The following RHBDL3 variants were observed in gnomAD, a reference collection of about 807,000 sequenced individuals.
RHBDL3 encodes the protein rhomboid-related protein 3.
A neutral mutation model predicts 48.2 loss-of-function variants in RHBDL3; 28 were observed. That is an observed-to-expected ratio of 0.58 (90% CI 0.43 to 0.80). The LOEUF is 0.80. RHBDL3 is among the 30% of genes least tolerant of loss of function. The probability of loss-of-function intolerance (pLI) is 0.00; values close to 1 mark genes in which losing one functional copy is unlikely to be tolerated. For synonymous variants in RHBDL3, 208 were observed against 232.3 expected, an observed-to-expected ratio of 0.90 and a Z score of 0.95; for missense variants, 464 against 542.7, an observed-to-expected ratio of 0.85 and a Z score of 1.44.
At chr17:32,291,743 A>G (rs539913565) in intron 4 of RHBDL3, among the ~76,000 whole-genome samples, 1 of 149,570 alleles carries the variant, frequency 6.7e-6, no homozygotes, top group East Asian at 2.0e-4. Flanking sequence ...AATCACTCTT[A>G]TAGCCCAGAT....
chr17:32,309,151 T>C (rs2040779372), intron 7 of RHBDL3, among the ~76,000 whole-genome samples: 1 of 151,770 alleles, frequency 6.6e-6, no homozygotes, highest in Admixed American at 6.6e-5. Context: ...GATATACTAT[T>C]GTTTTCAGCT....
intron 3 of RHBDL3, among the ~76,000 whole-genome samples, chr17:32,287,398 G>T (rs374718256): frequency 1.3e-5 from 2 of 152,184 alleles, no homozygotes; most frequent in African/African-American, 4.8e-5. Flanking sequence ...CAGAGCTCCT[G>T]GGCCATTGAG....
chr17:32,280,744 G>A (rs2040022240), intron 2 of RHBDL3: 1 of 152,188 alleles, frequency 6.6e-6, no homozygotes, highest in South Asian at 2.1e-4. Flanking sequence ...CTACCCCTGA[G>A]TGAGGGGTGC....
intron 8 of RHBDL3, among the ~76,000 whole-genome samples, chr17:32,318,325 TAA>T (rs756087293): frequency 5.5e-5 from 8 of 144,580 alleles, no homozygotes; most frequent in Non-Finnish European, 7.5e-5. Context: ...GACCTTGCCT[TAA>T]AAAAAAAAAA....
chr17:32,294,547 G>C, intron 5 of RHBDL3, 105 bp downstream of exon 5: 1 of 1,162,044 alleles, frequency 8.6e-7, no homozygotes, highest in Non-Finnish European at 1.2e-6. Context: ...TTATCTATTT[G>C]GACATAGGAT....
chr17:32,281,874 G>A (rs1196456226), intron 2 of RHBDL3, among the ~76,000 whole-genome samples: 3 of 152,224 alleles, frequency 2.0e-5, no homozygotes, highest in African/African-American at 4.8e-5. Context: ...CATCAGAGCA[G>A]TCCCTGGAGC....
At chr17:32,295,802 A>G (rs772367409) in intron 5 of RHBDL3, among the ~76,000 whole-genome samples, 6 of 152,226 alleles carry the variant, frequency 3.9e-5, no homozygotes, top group Admixed American at 6.5e-5. Flanking sequence ...AGTTGGAAGC[A>G]CCTGATTGAT....
In RHBDL3 at chr17:32,311,488, C is replaced by T. The variant is rs1597686171; in HGVS notation, c.883-4744C>T. On this transcript the variant is annotated intron_variant, in intron 7 of 8. Transcript: ENST00000269051. Reference sequence around the variant, plus strand: ...GGCCCAGGCACATGGAATGTGACCTCTGAAGTGTGGGTGGACAGAGCCCTG... The same window carrying T: ...GGCCCAGGCACATGGAATGTGACCTTTGAAGTGTGGGTGGACAGAGCCCTG... 3.9e-5 allele frequency among the ~76,000 whole-genome samples: 6 copies of T among 152,320 alleles called. No homozygotes were observed. In the South Asian group the frequency reaches 1.2e-3, roughly 32 times the overall value.
chr17:32,276,784 CGGCCCT>C (rs1220102529), intron 2 of RHBDL3, among the ~76,000 whole-genome samples: 79 of 105,774 alleles, frequency 7.5e-4, no homozygotes, highest in Middle Eastern at 0.01. Context: ...CACCTTACTC[CGGCCCT>C]AGCACCTTAC....
At chr17:32,297,584 A>G (rs1260398085) in intron 5 of RHBDL3, among the ~76,000 whole-genome samples, 1 of 148,912 alleles carries the variant, frequency 6.7e-6, no homozygotes, top group African/African-American at 2.4e-5. Context: ...CAGCGTGGCC[A>G]CTAACTGTGG....
At chr17:32,303,289 C>A (rs566646174) in intron 6 of RHBDL3, among the ~76,000 whole-genome samples, 57 of 152,252 alleles carry the variant, frequency 3.7e-4, no homozygotes, top group African/African-American at 1.3e-3. Flanking sequence ...AGAAGAGAAG[C>A]CAGCCTAGGG....
intron 4 of RHBDL3, among the ~76,000 whole-genome samples, chr17:32,290,870 A>C (rs1419831999): frequency 6.6e-6 from 1 of 150,446 alleles, no homozygotes; most frequent in Non-Finnish European, 1.5e-5. Context: ...GCATGGTGGT[A>C]CATGCCTGTG....
At chr17:32,281,207 G>A (rs1421818362) in intron 2 of RHBDL3, among the ~76,000 whole-genome samples, 1 of 152,148 alleles carries the variant, frequency 6.6e-6, no homozygotes, top group Non-Finnish European at 1.5e-5. Flanking sequence ...GCAGGCCCTG[G>A]TGGGGGTGGA....
intron 2 of RHBDL3, among the ~76,000 whole-genome samples, chr17:32,277,654 C>A (rs548881952): frequency 6.6e-6 from 1 of 152,202 alleles, no homozygotes; most frequent in Non-Finnish European, 1.5e-5. Flanking sequence ...GTCAGCTGCT[C>A]GGAGACCTAT....
intron 6 of RHBDL3, among the ~76,000 whole-genome samples, chr17:32,303,314 T>C (rs1450940430): frequency 1.3e-5 from 2 of 152,170 alleles, no homozygotes; most frequent in African/African-American, 4.8e-5. Context: ...TGGGGCTTCC[T>C]CTGTCCAAAA....
Position 32,266,218 on chromosome 17 carries a change from C to T in RHBDL3, c.29C>T (p.Ala10Val), listed in dbSNP as rs1175768054. The T allele has an allele frequency of 2.8e-6, 4 of 1,416,002 alleles. No homozygotes were observed. The highest frequency in any genetic ancestry group is 2.8e-6 in the Non-Finnish European group (3 of 1,090,732). The allele number at this position is 1,416,002 out of a possible 1,614,324, so 87.7% of individuals were successfully genotyped here. The part of the protein sequence containing the change: MGEHPSPGP[A>V]VAACAEAERI... ...GGCGAGCACCCCAGCCCGGGCCCCG[C>T]GGTGGCCGCCTGCGCCGAGGCGGAG... is the stretch of plus-strand genomic sequence containing the variant. The change falls in exon 1 of 9, where the codon GCG (alanine) becomes GTG (valine). Residue 10 changes from alanine to valine, a missense_variant. Transcript: ENST00000269051.
At chr17:32,266,719 T>C (rs1475344537) in intron 1 of RHBDL3, among the ~76,000 whole-genome samples, 2 of 152,136 alleles carry the variant, frequency 1.3e-5, no homozygotes, top group Admixed American at 1.3e-4. Flanking sequence ...TCCCTGGCCA[T>C]GCAAGCCGGC....
At chr17:32,294,199 A>T in intron 4 of RHBDL3, 95 bp from the exon 5 acceptor site, 6 of 1,001,048 alleles carry the variant, frequency 6.0e-6, no homozygotes, top group Non-Finnish European at 8.7e-6. Flanking sequence ...AGGAAAGGTG[A>T]TAACTTCCTG....
At chr17:32,298,561 C>T (rs986884335) in intron 6 of RHBDL3, among the ~76,000 whole-genome samples, 1 of 152,194 alleles carries the variant, frequency 6.6e-6, no homozygotes, top group African/African-American at 2.4e-5. Flanking sequence ...ATGAGATCTG[C>T]CTGTAGGGTT....
Sources: gnomAD v4.1 joint callset for allele counts (sites outside exome capture counted in the v4.1 genomes callset) on GRCh38, gnomAD v4.1.1 for gene constraint, MANE v1.5 for transcripts, NCBI Gene and HGNC (gene_info 2026-07-23, HGNC 2026-07-21) for gene names.